The following MICU3 variants were observed in gnomAD, a reference collection of about 807,000 sequenced individuals.
The protein encoded by MICU3 is calcium uptake protein 3, mitochondrial.
MICU3 carries 62 observed loss-of-function variants against 66.5 expected under a neutral mutation model. That is an observed-to-expected ratio of 0.93 (90% CI 0.76 to 1.15). The LOEUF is 1.15. MICU3 is among the 50% of genes most tolerant of loss of function. MICU3 has a pLI of 0.00. For missense variants in MICU3, 779 were observed against 664.4 expected (o/e 1.17, Z -1.90); for synonymous variants, 308 against 240.7 (o/e 1.28, Z -2.59).
chr8:17,119,657 A>G (rs898765807), intron 14 of MICU3, among the ~76,000 whole-genome samples: 4 of 152,150 alleles, frequency 2.6e-5, no homozygotes, highest in African/African-American at 9.7e-5. Flanking sequence ...AAGAAATATC[A>G]TAATAAAACT....
chr8:17,074,775 CTTAT>C (rs1460128776), intron 3 of MICU3, among the ~76,000 whole-genome samples: 1 of 151,772 alleles, frequency 6.6e-6, no homozygotes. Flanking sequence ...TTTAATAGTA[CTTAT>C]TTAAGAAAAT....
At chr8:17,128,634 C>T in the MICU3 span, among the ~76,000 whole-genome samples, 5 of 152,154 alleles carry the variant, frequency 3.3e-5, no homozygotes, top group Non-Finnish European at 7.3e-5. Context: ...TACGACATTG[C>T]ACAACAAATA....
intron 3 of MICU3, among the ~76,000 whole-genome samples, chr8:17,070,300 A>G (rs2150671171): frequency 6.6e-6 from 1 of 152,250 alleles, no homozygotes; most frequent in East Asian, 1.9e-4. Context: ...ACAATAGTGA[A>G]AACAAATGAA....
chr8:17,108,728 T>A (rs1585538693), intron 11 of MICU3, among the ~76,000 whole-genome samples: 2 of 152,214 alleles, frequency 1.3e-5, no homozygotes, highest in Non-Finnish European at 2.9e-5. Context: ...TTTGCCTCCC[T>A]GCAATCTATT....
At position 17,040,329 on chromosome 8, in the gene MICU3, C is replaced by G. The variant is rs529890746; in HGVS notation, c.381+12669C>G. On this transcript the variant is annotated intron_variant, in intron 1 of 14. Transcript: ENST00000318063. Reference sequence around the variant, plus strand: ...ATTTTAATAAATCCTTATTTAATGACCAAATTAATTAAAAATCCAGAAATA... The same window carrying G: ...ATTTTAATAAATCCTTATTTAATGAGCAAATTAATTAAAAATCCAGAAATA... 5.3e-3 allele frequency among the ~76,000 whole-genome samples: 803 copies of G among 152,172 alleles called. 9 individuals carry two copies. Among genetic ancestry groups the G allele is most frequent in the African/African-American group, 0.018 (762 of 41,506 alleles).
chr8:17,046,239 C>A (rs547113209), intron 1 of MICU3, among the ~76,000 whole-genome samples: 1 of 152,250 alleles, frequency 6.6e-6, no homozygotes, highest in South Asian at 2.1e-4. Flanking sequence ...GGATCTAGCA[C>A]TATCTCCAGG....
At chr8:17,063,198 A>G (rs966952577) in intron 1 of MICU3, among the ~76,000 whole-genome samples, 1 of 152,154 alleles carries the variant, frequency 6.6e-6, no homozygotes, top group Non-Finnish European at 1.5e-5. Context: ...CTATCTATAA[A>G]TTTTTAGATT....
intron 8 of MICU3, among the ~76,000 whole-genome samples, chr8:17,091,865 TG>T (rs1234222802): frequency 6.6e-6 from 1 of 151,926 alleles, no homozygotes; most frequent in Non-Finnish European, 1.5e-5. Context: ...TAGGACTTTA[TG>T]GGGGTTTTTT....
At chr8:17,043,436 T>A (rs1470764274) in intron 1 of MICU3, among the ~76,000 whole-genome samples, 1 of 152,216 alleles carries the variant, frequency 6.6e-6, no homozygotes, top group East Asian at 1.9e-4. Flanking sequence ...ACATACATTG[T>A]CCCCAGGATA....
downstream of MICU3, among the ~76,000 whole-genome samples, chr8:17,123,312 G>T (rs562878972): frequency 4.6e-5 from 7 of 152,132 alleles, no homozygotes; most frequent in Admixed American, 1.3e-4. Context: ...GTGACTATAC[G>T]CACAGAGAAA....
intron 8 of MICU3, among the ~76,000 whole-genome samples, chr8:17,090,845 AATAATTGAAATTTT>A (rs915731675): frequency 6.6e-6 from 1 of 152,098 alleles, no homozygotes; most frequent in African/African-American, 2.4e-5. Context: ...ATTAAAACAT[AATAATTGAAATTTT>A]ATATCTTTTA....
intron 1 of MICU3, among the ~76,000 whole-genome samples, chr8:17,060,324 T>C (rs1294174389): frequency 6.6e-6 from 1 of 150,640 alleles, no homozygotes; most frequent in Non-Finnish European, 1.5e-5. Flanking sequence ...TGAGACAGAG[T>C]CTCGTGCTGT....
intron 6 of MICU3, among the ~76,000 whole-genome samples, chr8:17,086,489 T>G (rs1799485565): frequency 6.6e-6 from 1 of 152,036 alleles, no homozygotes; most frequent in African/African-American, 2.4e-5. Context: ...AGATGGCGGT[T>G]TTCAATTTGA....
At chr8:17,033,345 T>C (rs1812409879) in intron 1 of MICU3, among the ~76,000 whole-genome samples, 1 of 152,226 alleles carries the variant, frequency 6.6e-6, no homozygotes, top group African/African-American at 2.4e-5. Context: ...GCCTTACTGC[T>C]GAGATGGAGC....
At chr8:17,098,405 A>T in intron 8 of MICU3, 53 bp from the exon 9 acceptor site, 3 of 1,117,204 alleles carry the variant, frequency 2.7e-6, no homozygotes, top group Non-Finnish European at 4.1e-6. Context: ...ATAAATTATC[A>T]TTCTTTGTAA....
chr8:17,096,034 A>G (rs1378764913), intron 8 of MICU3, among the ~76,000 whole-genome samples: 3 of 151,880 alleles, frequency 2.0e-5, no homozygotes, highest in Admixed American at 1.3e-4. Context: ...ACCTAACTGT[A>G]TATTCTTTTA....
intron 3 of MICU3, among the ~76,000 whole-genome samples, chr8:17,072,881 T>C (rs1819813705): frequency 6.6e-6 from 1 of 152,044 alleles, no homozygotes; most frequent in Admixed American, 6.6e-5. Context: ...TATAAACTGG[T>C]GTATTTACTT....
chr8:17,027,681 C>T (rs1272177494), intron 1 of MICU3, 21 bp downstream of exon 1: 30 of 1,273,992 alleles, frequency 2.4e-5, no homozygotes, highest in Non-Finnish European at 2.9e-5. Context: ...GAGCGCGCGT[C>T]ACACCTGCGC....
the MICU3 span, among the ~76,000 whole-genome samples, chr8:17,133,825 A>T: frequency 6.6e-6 from 1 of 152,186 alleles, no homozygotes; most frequent in Non-Finnish European, 1.5e-5. Flanking sequence ...ACATACCTAA[A>T]TCTATTTCAG....
Sources: allele counts gnomAD v4.1 joint callset (sites outside exome capture counted in the v4.1 genomes callset), GRCh38; gene constraint gnomAD v4.1.1; transcripts MANE v1.5; gene names NCBI Gene and HGNC (gene_info 2026-07-23, HGNC 2026-07-21).